Variants in SEMA3A observed in about 807,000 individuals in gnomAD.
SEMA3A encodes semaphorin 3A.
A neutral mutation model predicts 97.9 loss-of-function variants in SEMA3A; 29 were observed. The observed-to-expected ratio is 0.30, with a 90% confidence interval of 0.22 to 0.40. The LOEUF (loss-of-function observed/expected upper bound fraction) is 0.40. Among genes scored for constraint, SEMA3A ranks in the 10% least tolerant of loss-of-function variants. SEMA3A has a pLI of 1.00. For missense variants in SEMA3A, 763 were observed against 951.3 expected (o/e 0.80, Z 2.60); for synonymous variants, 321 against 323.7 (o/e 0.99, Z 0.09).
At chr7:84,387,217 T>C (rs1273617820) in intron 1 of SEMA3A, among the ~76,000 whole-genome samples, 8 of 152,158 alleles carry the variant, frequency 5.3e-5, no homozygotes, top group Admixed American at 5.2e-4. Flanking sequence ...TTTTCTGCTG[T>C]ATTAAGAATA....
At chr7:84,100,906 G>T (rs1794942521) in intron 4 of SEMA3A, among the ~76,000 whole-genome samples, 1 of 152,188 alleles carries the variant, frequency 6.6e-6, no homozygotes, top group Middle Eastern at 3.4e-3. Flanking sequence ...CAGAAGGTTT[G>T]CTCATGACGC....
Position 84,157,865 on chromosome 7 carries a change from G to A in SEMA3A, c.113-22914C>T, listed in dbSNP as rs575652572. ...TGTATTCCACTCAGAACTATCAGGCGTATACATAGGTCATATCATACAATT... is the reference window on the plus strand; with the variant it reads ...TGTATTCCACTCAGAACTATCAGGCATATACATAGGTCATATCATACAATT... On this transcript the variant is annotated intron_variant, in intron 1 of 16. Transcript: ENST00000265362. Among the ~76,000 whole-genome samples the A allele has an allele frequency of 3.3e-5, 5 of 152,242 alleles. No homozygotes were observed. In the East Asian group the frequency reaches 5.8e-4, roughly 18 times the overall value.
At chr7:84,109,434 G>GA (rs1316394312) in intron 4 of SEMA3A, among the ~76,000 whole-genome samples, 1 of 152,064 alleles carries the variant, frequency 6.6e-6, no homozygotes, top group Admixed American at 6.6e-5. Context: ...TCATCAAGAA[G>GA]AAAAAATAAG....
At chr7:84,299,338 ATCTCTCTCTCTC>A (rs368421141) in intron 3 of SEMA3A, among the ~76,000 whole-genome samples, 1 of 112,974 alleles carries the variant, frequency 8.9e-6, no homozygotes, top group Non-Finnish European at 1.8e-5. Flanking sequence ...ATATATATGT[ATCTCTCTCTCTC>A]TCTCTCTCTC....
At chr7:84,492,624 C>T (rs1268104919) in exon 1 of SEMA3A, 2 of 152,090 alleles carry the variant, frequency 1.3e-5, no homozygotes, top group African/African-American at 4.8e-5. Flanking sequence ...GAGAGCCAGT[C>T]AAGACACAGC....
At chr7:84,023,928 C>T (rs895831945) in intron 6 of SEMA3A, among the ~76,000 whole-genome samples, 3 of 150,406 alleles carry the variant, frequency 2.0e-5, no homozygotes, top group Non-Finnish European at 4.4e-5. Flanking sequence ...AGGAGAATAG[C>T]GTGAACCCGG....
intron 3 of SEMA3A, among the ~76,000 whole-genome samples, chr7:84,262,021 G>C (rs1799868601): frequency 6.6e-6 from 1 of 152,138 alleles, no homozygotes; most frequent in Non-Finnish European, 1.5e-5. Flanking sequence ...ATGTGCAAAA[G>C]CAAGATTATA....
At chr7:84,406,885 T>G (rs574443731) in intron 1 of SEMA3A, among the ~76,000 whole-genome samples, 15 of 152,272 alleles carry the variant, frequency 9.9e-5, no homozygotes, top group Middle Eastern at 3.4e-3. Flanking sequence ...TAAATAGGTA[T>G]TGATGGGACG....
Position 84,090,890 on chromosome 7 carries a change from A to G in SEMA3A, c.453+19580T>C, listed in dbSNP as rs927755617. Among the ~76,000 whole-genome samples, 17 of 151,358 alleles carry G rather than the reference A, an allele frequency of 1.1e-4. No individual in the cohort carries two copies. In the East Asian group the frequency reaches 3.2e-3, roughly 28 times the overall value. On this transcript the variant is annotated intron_variant, in intron 4 of 16. Transcript: ENST00000265362. ...AAGACCAGCCTAGCCAACATGGTGAAATTCCATCTCTGCTAAAAATACAAA... is the reference window on the plus strand; with the variant it reads ...AAGACCAGCCTAGCCAACATGGTGAGATTCCATCTCTGCTAAAAATACAAA...
At chr7:84,375,036 T>C (rs1803064084) in intron 1 of SEMA3A, among the ~76,000 whole-genome samples, 1 of 152,166 alleles carries the variant, frequency 6.6e-6, no homozygotes, top group Non-Finnish European at 1.5e-5. Context: ...TTTTATTTTT[T>C]TGAGACCGAG....
At chr7:84,040,815 T>G (rs79643070) in intron 6 of SEMA3A, among the ~76,000 whole-genome samples, 19,858 of 151,960 alleles carry the variant, frequency 0.13, 1,603 homozygotes, top group East Asian at 0.37. Flanking sequence ...GAAAAAAATG[T>G]AAAAAACAAG....
intron 4 of SEMA3A, among the ~76,000 whole-genome samples, chr7:84,097,537 CT>C (rs1472520199): frequency 6.6e-6 from 1 of 152,196 alleles, no homozygotes; most frequent in East Asian, 1.9e-4. Flanking sequence ...ATTAGACTCG[CT>C]TTTTAACTGC....
chr7:84,348,663 T>A (rs1802363450), intron 2 of SEMA3A, among the ~76,000 whole-genome samples: 1 of 152,128 alleles, frequency 6.6e-6, no homozygotes, highest in South Asian at 2.1e-4. Context: ...GAGACTGGCA[T>A]GAAAGAATCG....
At chr7:84,419,462 G>A (rs1804527010) in intron 1 of SEMA3A, among the ~76,000 whole-genome samples, 1 of 151,848 alleles carries the variant, frequency 6.6e-6, no homozygotes, top group South Asian at 2.1e-4. Context: ...ACTCTTTCAG[G>A]GTGGAAAAGC....
intron 1 of SEMA3A, among the ~76,000 whole-genome samples, chr7:84,473,481 G>A (rs1476079027): frequency 6.6e-6 from 1 of 151,304 alleles, no homozygotes; most frequent in South Asian, 2.1e-4. Context: ...TGCAACTTCT[G>A]CCTCCCTGGT....
At chr7:84,170,834 A>G (rs533068854) in intron 1 of SEMA3A, among the ~76,000 whole-genome samples, 61 of 152,098 alleles carry the variant, frequency 4.0e-4, no homozygotes, top group Non-Finnish European at 8.1e-4. Flanking sequence ...CTGTTGAAAC[A>G]ATAACATTTT....
chr7:84,033,856 A>C lies in SEMA3A; in HGVS notation c.667+12468T>G, dbSNP rs949336268. ...TGCACATCCTTTTAGTTCAAGGGCC[A>C]CACACGTAGTAGCAGGGGTCTATAC... On this transcript the variant is annotated intron_variant, in intron 6 of 16. Coordinates refer to ENST00000265362, the MANE Select transcript of SEMA3A (RefSeq NM_006080.3). Among the ~76,000 whole-genome samples, 3 of 152,190 alleles carry C rather than the reference A, an allele frequency of 2.0e-5. No individual in the cohort carries two copies. The East Asian group carries it at 5.8e-4, about 29-fold the overall frequency.
intron 1 of SEMA3A, among the ~76,000 whole-genome samples, chr7:84,395,244 A>G (rs2116188922): frequency 6.6e-6 from 1 of 150,698 alleles, no homozygotes; most frequent in East Asian, 2.0e-4. Flanking sequence ...ATTTGGTGGG[A>G]GCCCCCAGGC....
intron 12 of SEMA3A, among the ~76,000 whole-genome samples, chr7:83,996,750 T>C (rs1209997893): frequency 1.3e-5 from 2 of 152,242 alleles, no homozygotes; most frequent in African/African-American, 2.4e-5. Flanking sequence ...TTCAGGTTTA[T>C]GATTGCAAAT....
Sources: gnomAD v4.1 joint callset for allele counts (sites outside exome capture counted in the v4.1 genomes callset) on GRCh38, gnomAD v4.1.1 for gene constraint, MANE v1.5 for transcripts, NCBI Gene and HGNC (gene_info 2026-07-23, HGNC 2026-07-21) for gene names.